Variants in SREBF2 observed in about 807,000 individuals in gnomAD.
The protein encoded by SREBF2 is sterol regulatory element binding transcription factor 2, also known as sterol regulatory element-binding protein 2.
SREBF2 carries 55 observed loss-of-function variants against 113.1 expected under a neutral mutation model. That is an observed-to-expected ratio of 0.49 (90% CI 0.39 to 0.61). The LOEUF is 0.61. Among genes scored for constraint, SREBF2 ranks in the 20% least tolerant of loss-of-function variants. The pLI, the probability that SREBF2 is intolerant of heterozygous loss-of-function variation, is 0.00. For synonymous variants in SREBF2, 593 were observed against 605.7 expected, an observed-to-expected ratio of 0.98 and a Z score of 0.31; for missense variants, 1,349 against 1,487.4, an observed-to-expected ratio of 0.91 and a Z score of 1.53.
In SREBF2 at chr22:41,904,977, G is replaced by A; in HGVS notation, c.3205+3G>A. On this transcript the variant is annotated splice_donor_region_variant and intron_variant, in intron 18 of 18. Transcript: ENST00000361204. ...CACCACGCAGAGCACCAAGCACGGTGAGTCCACCCCTCCCCAGCTCACAGG... is the reference window on the plus strand; with the variant it reads ...CACCACGCAGAGCACCAAGCACGGTAAGTCCACCCCTCCCCAGCTCACAGG... 1.3e-6 allele frequency: 2 copies of A among 1,586,624 alleles called. No homozygotes were observed. Among genetic ancestry groups the A allele is most frequent in the Non-Finnish European group, 1.7e-6 (2 of 1,171,710 alleles).
chr22:41,875,367 A>G lies in SREBF2; in HGVS notation c.1120A>G (p.Ile374Val), dbSNP rs1465546605. 2 of 1,614,084 alleles carry G rather than the reference A, an allele frequency of 1.2e-6. No homozygotes were observed. Among genetic ancestry groups the G allele is most frequent in the East Asian group, 2.2e-5 (1 of 44,890 alleles). The change falls in exon 6 of 19, where the codon ATT becomes GTT. Residue 374 changes from isoleucine (I) to valine (V), a missense_variant. By Grantham distance (29) the Ile-to-Val change is conservative. Coordinates refer to ENST00000361204, the MANE Select transcript of SREBF2 (RefSeq NM_004599.4). Reference sequence around the variant, plus strand: ...CAAGTCTGGCGTTCTGAGGAAGGCCATTGATTACATCAAATACTTGCAGCA... The same window carrying G: ...CAAGTCTGGCGTTCTGAGGAAGGCCGTTGATTACATCAAATACTTGCAGCA... The part of the protein sequence containing the change: ...MHKSGVLRKA[I>V]DYIKYLQQVN...
At chr22:41,888,115 G>C (rs1229105366) in intron 11 of SREBF2, among the ~76,000 whole-genome samples, 1 of 152,206 alleles carries the variant, frequency 6.6e-6, no homozygotes, top group Non-Finnish European at 1.5e-5. Context: ...ATGGTGTCTA[G>C]TGAGAGCACA....
chr22:41,875,797 A>T, intron 7 of SREBF2, 73 bp downstream of exon 7: 1 of 1,550,198 alleles, frequency 6.5e-7, no homozygotes, highest in Non-Finnish European at 8.9e-7. Context: ...GGGAGGTCAC[A>T]GTTATGAGGC....
rs758908531 is a variant in SREBF2 at position 41,868,789 on chromosome 22, C to A, written c.717C>A (p.Val239=). Reference sequence around the variant, plus strand: ...TTGCTGCGCCACAGGTGCAGCAGGTCCCGGTAAGTGGCTGGAAAGGATTCA... The same window carrying A: ...TTGCTGCGCCACAGGTGCAGCAGGTACCGGTAAGTGGCTGGAAAGGATTCA... ...QTVAAPQVQQ[V]PVLVQPQIIK... is the part of the protein sequence containing the mutation. The change falls in exon 3 of 19, where the codon GTC becomes GTA. Residue 239 remains valine (V), a synonymous_variant. Transcript: ENST00000361204. 4.4e-6 allele frequency: 7 copies of A among 1,608,534 alleles called. No homozygotes were observed. Among genetic ancestry groups the A allele is most frequent in the Non-Finnish European group, 5.9e-6 (7 of 1,177,572 alleles).
At chr22:41,901,525 G>A (rs2077465329) in intron 16 of SREBF2, among the ~76,000 whole-genome samples, 1 of 152,186 alleles carries the variant, frequency 6.6e-6, no homozygotes, top group Non-Finnish European at 1.5e-5. Context: ...GCCAGGTGTG[G>A]TGGCATGTAT....
chr22:41,841,272 T>C (rs2076828414), intron 1 of SREBF2, among the ~76,000 whole-genome samples: 1 of 152,222 alleles, frequency 6.6e-6, no homozygotes. Context: ...TTCATCCCTT[T>C]TGTACCTTTT....
chr22:41,905,592 C>A lies in SREBF2; in HGVS notation c.3358C>A (p.Arg1120Ser). The A allele has an allele frequency of 6.3e-7, 1 of 1,599,334 alleles. No homozygotes were observed. Among genetic ancestry groups the A allele is most frequent in the Non-Finnish European group, 8.5e-7 (1 of 1,173,898 alleles). ...ARTLEKVGDR[R>S]SCNDCQQMIV... ...CACCCTGGAGAAGGTGGGCGACCGG[C>A]GCTCCTGCAACGACTGCCAGCAGAT... is the stretch of plus-strand genomic sequence containing the variant. Residue 1120 changes from arginine (R) to serine (S), a missense_variant, in exon 19 of 19, where the codon CGC becomes AGC. By Grantham distance (110) the Arg-to-Ser change is moderately radical. Coordinates refer to ENST00000361204, the MANE Select transcript of SREBF2 (RefSeq NM_004599.4).
chr22:41,905,844 C>A lies in SREBF2; in HGVS notation c.*184C>A. The A allele has an allele frequency of 1.3e-6, 1 of 757,332 alleles. No homozygotes were observed. The highest frequency in any genetic ancestry group is 2.3e-6 in the Non-Finnish European group (1 of 431,898). The allele number at this position is 757,332 out of a possible 1,614,324, so 46.9% of individuals were successfully genotyped here. A position where few individuals can be genotyped will look rare whatever the true frequency, so the allele number is the denominator to read the frequency against. ...CTTAAAGCTGCTGTCACTAGATGCCCATGGTCCAGGGCCTGGTGGGCGTGA... is the reference window on the plus strand; with the variant it reads ...CTTAAAGCTGCTGTCACTAGATGCCAATGGTCCAGGGCCTGGTGGGCGTGA... On this transcript the variant is annotated 3_prime_UTR_variant, in exon 19 of 19. Coordinates refer to ENST00000361204, the MANE Select transcript of SREBF2 (RefSeq NM_004599.4).
At chr22:41,855,490 C>A (rs995591095) in intron 1 of SREBF2, among the ~76,000 whole-genome samples, 3 of 152,080 alleles carry the variant, frequency 2.0e-5, no homozygotes, top group Admixed American at 2.0e-4. Context: ...CCACTGCACT[C>A]CAGCCTGGGT....
chr22:41,905,001 G>A, intron 18 of SREBF2, 27 bp downstream of exon 18: 1 of 1,546,980 alleles, frequency 6.5e-7, no homozygotes, highest in African/African-American at 1.4e-5. Flanking sequence ...CCAGCTCACA[G>A]GCTGGGCCAG....
chr22:41,893,042 C>A, intron 11 of SREBF2, 75 bp from the exon 12 acceptor site: 1 of 1,572,028 alleles, frequency 6.4e-7, no homozygotes. Context: ...CACCATGGTG[C>A]TTTCTGCACC....
At chr22:41,900,726 C>T (rs1418658504) in intron 16 of SREBF2, among the ~76,000 whole-genome samples, 1 of 152,214 alleles carries the variant, frequency 6.6e-6, no homozygotes, top group Non-Finnish European at 1.5e-5. Context: ...CTTTCTTAGG[C>T]TCCCAGAGTC....
Position 41,906,121 on chromosome 22 carries a change from G to A in SREBF2, c.*461G>A, listed in dbSNP as rs1169451190. 9 of 404,270 alleles carry A rather than the reference G, an allele frequency of 2.2e-5. No homozygotes were observed. The highest frequency in any genetic ancestry group is 1.1e-4 in the Admixed American group (4 of 35,820). The allele number at this position is 404,270 out of a possible 1,614,324, so 25.0% of individuals were successfully genotyped here. A position where few individuals can be genotyped will look rare whatever the true frequency, so the allele number is the denominator to read the frequency against. On this transcript the variant is annotated 3_prime_UTR_variant, in exon 19 of 19. Coordinates refer to ENST00000361204, the MANE Select transcript of SREBF2 (RefSeq NM_004599.4). Reference sequence around the variant, plus strand: ...TTTTATACGAATGTTTTCTACCAGTGTGCTTGGGTTTGCCATGATGCGAGG... The same window carrying A: ...TTTTATACGAATGTTTTCTACCAGTATGCTTGGGTTTGCCATGATGCGAGG...
intron 7 of SREBF2, among the ~76,000 whole-genome samples, chr22:41,876,008 G>C (rs1404544216): frequency 6.6e-6 from 1 of 152,244 alleles, no homozygotes; most frequent in Non-Finnish European, 1.5e-5. Flanking sequence ...TGTTGTGGGG[G>C]CGTTGGGAGC....
In SREBF2 at chr22:41,903,083, A is replaced by G. The variant is rs1163817942; in HGVS notation, c.3021A>G (p.Glu1007=). ...VGETYHASGA[E]LAGFQRDLGS... Reference sequence around the variant, plus strand: ...AGACCTACCACGCGTCAGGCGCTGAACTGGCGGGCTTCCAACGGGACCTGG... The same window carrying G: ...AGACCTACCACGCGTCAGGCGCTGAGCTGGCGGGCTTCCAACGGGACCTGG... The change falls in exon 17 of 19, where the codon GAA becomes GAG. Residue 1007 remains glutamate (E), a synonymous_variant. Coordinates refer to ENST00000361204, the MANE Select transcript of SREBF2 (RefSeq NM_004599.4). The G allele has an allele frequency of 2.5e-6, 4 of 1,586,840 alleles. No homozygotes were observed. Among genetic ancestry groups the G allele is most frequent in the Non-Finnish European group, 3.4e-6 (4 of 1,166,480 alleles).
At position 41,866,925 on chromosome 22, in the gene SREBF2, T is replaced by TAGCAGCAGCGGCAGCAGTGGCAGCAGC; in HGVS notation, c.193_219dup (p.Gly65_Ser73dup). The TAGCAGCAGCGGCAGCAGTGGCAGCAGC allele has an allele frequency of 6.2e-7, 1 of 1,613,798 alleles. No individual in the cohort carries two copies. The highest frequency in any genetic ancestry group is 8.5e-7 in the Non-Finnish European group (1 of 1,179,830). On this transcript the variant is annotated inframe_insertion, in exon 2 of 19. Coordinates refer to ENST00000361204, the MANE Select transcript of SREBF2 (RefSeq NM_004599.4). Reference sequence around the variant, plus strand: ...CCTTTCCTGGCAGTGGTGGTAGTGGTAGCAGCAGCGGCAGCAGTGGCAGCA... The same window carrying TAGCAGCAGCGGCAGCAGTGGCAGCAGC: ...CCTTTCCTGGCAGTGGTGGTAGTGGTAGCAGCAGCGGCAGCAGTGGCAGCAGCAGCAGCAGCGGCAGCAGTGGCAGCA...
chr22:41,859,861 A>C (rs933848084), intron 1 of SREBF2, among the ~76,000 whole-genome samples: 3 of 113,372 alleles, frequency 2.6e-5, no homozygotes, highest in African/African-American at 1.0e-4. Context: ...CCCAGGCTGG[A>C]GTGCAGTGGC....
chr22:41,871,939 G>A (rs2077147778), intron 4 of SREBF2, among the ~76,000 whole-genome samples: 1 of 149,244 alleles, frequency 6.7e-6, no homozygotes, highest in African/African-American at 2.5e-5. Flanking sequence ...AAACAACATG[G>A]GGCTGTCCCT....
intron 3 of SREBF2, among the ~76,000 whole-genome samples, chr22:41,870,173 TTTATC>T (rs568605379): frequency 2.7e-3 from 418 of 152,282 alleles, no homozygotes; most frequent in Non-Finnish European, 4.7e-3. Context: ...TTACTAACAA[TTTATC>T]TTAAAAAAAT....
Sources: gnomAD v4.1 joint callset for allele counts (sites outside exome capture counted in the v4.1 genomes callset) on GRCh38, gnomAD v4.1.1 for gene constraint, MANE v1.5 for transcripts, NCBI Gene and HGNC (gene_info 2026-07-23, HGNC 2026-07-21) for gene names.